Variants in MLIP observed in about 807,000 individuals in gnomAD.
MLIP encodes the protein muscular LMNA-interacting protein.
In MLIP, 79 loss-of-function variants were observed where a neutral mutation model predicts 84.8. That is an observed-to-expected ratio of 0.93 (90% CI 0.78 to 1.12). MLIP has a LOEUF of 1.12. Ranked by LOEUF, MLIP falls within the 50% of genes most tolerant of loss-of-function variation. The pLI is 0.00. For synonymous variants in MLIP, 504 were observed against 463.0 expected, an observed-to-expected ratio of 1.09 and a Z score of -1.14; for missense variants, 1,257 against 1,160.6, an observed-to-expected ratio of 1.08 and a Z score of -1.21.
chr6:54,139,142 G>C lies in MLIP; in HGVS notation c.2217+856G>C, dbSNP rs9367552. On this transcript the variant is annotated intron_variant, in intron 4 of 13. Coordinates refer to ENST00000502396, the MANE Select transcript of MLIP (RefSeq NM_001281747.2). Reference sequence around the variant, plus strand: ...ACTAGCTTTCTTTAGAGTGTGTGTGGTTTCTTTTAAAGGGAAGTAAGAGAT... The same window carrying C: ...ACTAGCTTTCTTTAGAGTGTGTGTGCTTTCTTTTAAAGGGAAGTAAGAGAT... 8.7e-3 allele frequency among the ~76,000 whole-genome samples: 1,322 copies of C among 152,120 alleles called. 18 individuals are homozygous for C. Among genetic ancestry groups the C allele is most frequent in the African/African-American group, 0.027 (1,133 of 41,488 alleles).
chr6:54,222,850 G>T (rs1780309689), intron 11 of MLIP, among the ~76,000 whole-genome samples: 1 of 151,942 alleles, frequency 6.6e-6, no homozygotes. Context: ...GTGTACAAGT[G>T]TTCTCTTTTT....
At chr6:54,055,614 A>G (rs1765618619) in intron 1 of MLIP, among the ~76,000 whole-genome samples, 1 of 152,204 alleles carries the variant, frequency 6.6e-6, no homozygotes, top group African/African-American at 2.4e-5. Context: ...CTCTGGGAAT[A>G]TCATGGCAAA....
intron 9 of MLIP, among the ~76,000 whole-genome samples, chr6:54,185,678 C>CT (rs76753826): frequency 2.8e-4 from 42 of 151,344 alleles, no homozygotes; most frequent in Admixed American, 1.3e-3. Context: ...GAAATTTAGC[C>CT]TTTTTTTTCA....
At chr6:54,056,911 A>G (rs1400406473) in intron 1 of MLIP, among the ~76,000 whole-genome samples, 1 of 152,252 alleles carries the variant, frequency 6.6e-6, no homozygotes, top group Non-Finnish European at 1.5e-5. Flanking sequence ...CATGATTTGT[A>G]CAATGTTCTA....
intron 11 of MLIP, among the ~76,000 whole-genome samples, chr6:54,209,805 G>A (rs1779289233): frequency 2.0e-5 from 3 of 151,958 alleles, no homozygotes; most frequent in African/African-American, 7.2e-5. Context: ...AGTACATTTA[G>A]TGCTGTATAG....
chr6:54,236,971 A>G (rs1201300469), intron 12 of MLIP, among the ~76,000 whole-genome samples: 1 of 152,010 alleles, frequency 6.6e-6, no homozygotes, highest in Non-Finnish European at 1.5e-5. Context: ...TCCCCAGGAG[A>G]AATGGTTTAG....
intron 1 of MLIP, among the ~76,000 whole-genome samples, chr6:54,051,489 A>G (rs979627782): frequency 6.6e-6 from 1 of 152,154 alleles, no homozygotes; most frequent in Admixed American, 6.5e-5. Context: ...CCAAACGTAC[A>G]AAACTCCCAA....
rs80037115 is a variant in MLIP at position 54,246,790 on chromosome 6, T to A, written c.2923-10518T>A. ...ATTCGTATTTATATCCTTGTATTGA[T>A]ATCTGTATCTTCTTCTAGTAAGACA... On this transcript the variant is annotated intron_variant, in intron 12 of 13. Coordinates refer to ENST00000502396, the MANE Select transcript of MLIP (RefSeq NM_001281747.2). Among the ~76,000 whole-genome samples, 1,214 of 152,272 alleles carry A rather than the reference T, an allele frequency of 8.0e-3. 11 individuals are homozygous for A. The highest frequency in any genetic ancestry group is 0.013 in the Non-Finnish European group (868 of 68,002).
At chr6:54,249,971 C>G (rs1000073475) in intron 12 of MLIP, among the ~76,000 whole-genome samples, 3 of 151,856 alleles carry the variant, frequency 2.0e-5, no homozygotes, top group African/African-American at 7.3e-5. Context: ...TCTGACAGGC[C>G]CCAGTGTCTG....
At chr6:54,159,162 C>T (rs1774352797) in intron 5 of MLIP, among the ~76,000 whole-genome samples, 1 of 152,040 alleles carries the variant, frequency 6.6e-6, no homozygotes, top group Non-Finnish European at 1.5e-5. Context: ...ATCCTTCTGC[C>T]TCAGCCTCCC....
intron 1 of MLIP, among the ~76,000 whole-genome samples, chr6:54,097,973 G>C (rs1252612054): frequency 1.3e-5 from 2 of 152,086 alleles, no homozygotes; most frequent in Non-Finnish European, 2.9e-5. Flanking sequence ...TCAAAGAGGA[G>C]AAGCGGGAGC....
intron 9 of MLIP, among the ~76,000 whole-genome samples, chr6:54,170,854 G>C (rs1415587924): frequency 6.6e-6 from 1 of 150,746 alleles, no homozygotes; most frequent in Non-Finnish European, 1.5e-5. Context: ...TCTATCTTTG[G>C]AAGACTAGAA....
intron 9 of MLIP, among the ~76,000 whole-genome samples, chr6:54,174,283 A>G (rs923286631): frequency 6.6e-6 from 1 of 151,858 alleles, no homozygotes; most frequent in Non-Finnish European, 1.5e-5. Context: ...CATACATGGT[A>G]GCTCTTTCTT....
At chr6:54,169,450 T>A (rs1003643958) in intron 8 of MLIP, 78 bp from the exon 9 acceptor site, 5 of 916,654 alleles carry the variant, frequency 5.5e-6, no homozygotes, top group Non-Finnish European at 6.3e-6. Flanking sequence ...GAGAAGAAGG[T>A]GAACACATTC....
chr6:54,091,554 G>T (rs964970063), intron 1 of MLIP, among the ~76,000 whole-genome samples: 10 of 152,228 alleles, frequency 6.6e-5, no homozygotes, highest in African/African-American at 2.2e-4. Context: ...TTGCCTATAG[G>T]ATAGAAGGAA....
At chr6:54,101,207 C>G (rs1431679998) in intron 1 of MLIP, among the ~76,000 whole-genome samples, 1 of 151,780 alleles carries the variant, frequency 6.6e-6, no homozygotes, top group Admixed American at 6.6e-5. Flanking sequence ...TTAGAAGGTG[C>G]CTTTCTATTT....
intron 1 of MLIP, among the ~76,000 whole-genome samples, chr6:54,091,766 A>G (rs1767889794): frequency 6.6e-6 from 1 of 152,176 alleles, no homozygotes; most frequent in African/African-American, 2.4e-5. Flanking sequence ...CTAGGCCTCC[A>G]GTTATAGATC....
At chr6:54,051,235 A>G (rs1450265946) in intron 1 of MLIP, among the ~76,000 whole-genome samples, 1 of 151,772 alleles carries the variant, frequency 6.6e-6, no homozygotes, top group Non-Finnish European at 1.5e-5. Flanking sequence ...ATCCTGCAGC[A>G]AGTATGTTTT....
At chr6:54,186,659 C>A (rs886510766) in intron 9 of MLIP, among the ~76,000 whole-genome samples, 1 of 152,080 alleles carries the variant, frequency 6.6e-6, no homozygotes, top group Admixed American at 6.6e-5. Flanking sequence ...AGCAAACAAC[C>A]CCTTATAAAA....
Sources: allele counts gnomAD v4.1 joint callset (sites outside exome capture counted in the v4.1 genomes callset), GRCh38; gene constraint gnomAD v4.1.1; transcripts MANE v1.5; gene names NCBI Gene and HGNC (gene_info 2026-07-23, HGNC 2026-07-21).